Variants in KCNMB2 observed in about 807,000 individuals in gnomAD.
The protein encoded by KCNMB2 is potassium calcium-activated channel subfamily M regulatory beta subunit 2.
A neutral mutation model predicts 24.5 loss-of-function variants in KCNMB2; 9 were observed. The ratio of observed to expected loss-of-function variants is 0.37; its 90% CI spans 0.22 to 0.64. The LOEUF is 0.64. Among genes scored for constraint, KCNMB2 ranks in the 30% least tolerant of loss-of-function variants. The pLI is 0.63. For missense variants in KCNMB2, 226 were observed against 284.3 expected (o/e 0.79, Z 1.47); for synonymous variants, 109 against 104.4 (o/e 1.04, Z -0.27).
At chr3:178,722,684 G>A (rs746819138) in intron 1 of KCNMB2, among the ~76,000 whole-genome samples, 1 of 152,142 alleles carries the variant, frequency 6.6e-6, no homozygotes, top group Non-Finnish European at 1.5e-5. Context: ...CTTGTGCTCT[G>A]GAGTTCAAGA....
intron 1 of KCNMB2, among the ~76,000 whole-genome samples, chr3:178,580,087 T>C (rs978124050): frequency 2.6e-5 from 4 of 152,106 alleles, no homozygotes; most frequent in African/African-American, 9.7e-5. Flanking sequence ...TTCAGGCCAA[T>C]ATCAGGCCTG....
intron 1 of KCNMB2, among the ~76,000 whole-genome samples, chr3:178,539,272 A>G (rs1260338895): frequency 6.6e-6 from 1 of 152,246 alleles, no homozygotes; most frequent in Non-Finnish European, 1.5e-5. Flanking sequence ...ATCAAATAAA[A>G]AAGCAGACTG....
At chr3:178,565,182 C>T (rs747458214) in intron 1 of KCNMB2, among the ~76,000 whole-genome samples, 4 of 152,004 alleles carry the variant, frequency 2.6e-5, no homozygotes, top group Non-Finnish European at 5.9e-5. Flanking sequence ...GAGAATGAGA[C>T]GAAGGGCTAG....
intron 1 of KCNMB2, among the ~76,000 whole-genome samples, chr3:178,655,142 C>CTCTCTCTCTT (rs1720287173): frequency 8.4e-6 from 1 of 118,690 alleles, no homozygotes; most frequent in Non-Finnish European, 1.9e-5. Context: ...CTCTCTCTCT[C>CTCTCTCTCTT]TATCTCTATT....
intron 1 of KCNMB2, among the ~76,000 whole-genome samples, chr3:178,802,199 A>G (rs143317295): frequency 9.6e-4 from 146 of 152,320 alleles, no homozygotes; most frequent in African/African-American, 3.3e-3. Context: ...AGTCTCAAAC[A>G]TAAGAAGCAA....
chr3:178,649,314 T>C (rs1291844626), intron 1 of KCNMB2, among the ~76,000 whole-genome samples: 1 of 152,170 alleles, frequency 6.6e-6, no homozygotes, highest in East Asian at 1.9e-4. Flanking sequence ...AACATCACCT[T>C]CTATTCTTTT....
intron 4 of KCNMB2, among the ~76,000 whole-genome samples, chr3:178,834,907 G>C (rs989750491): frequency 6.6e-6 from 1 of 151,908 alleles, no homozygotes; most frequent in African/African-American, 2.4e-5. Context: ...GCATCAAGAA[G>C]AAAAGCGGGG....
intron 1 of KCNMB2, among the ~76,000 whole-genome samples, chr3:178,670,842 G>A (rs1313874552): frequency 2.0e-5 from 3 of 152,042 alleles, no homozygotes; most frequent in Non-Finnish European, 4.4e-5. Flanking sequence ...TCATTTGTTG[G>A]TGACTACTCT....
chr3:178,835,174 G>A (rs1056373780), intron 4 of KCNMB2, among the ~76,000 whole-genome samples: 1 of 151,450 alleles, frequency 6.6e-6, no homozygotes. Flanking sequence ...GAGATCTGTG[G>A]GCAAATACAG....
At chr3:178,729,605 C>A (rs1723077997) in intron 1 of KCNMB2, among the ~76,000 whole-genome samples, 1 of 152,136 alleles carries the variant, frequency 6.6e-6, no homozygotes, top group African/African-American at 2.4e-5. Context: ...GTCAAAGATT[C>A]CTGCCAAAAG....
chr3:178,655,196 C>T (rs988008561), intron 1 of KCNMB2, among the ~76,000 whole-genome samples: 6 of 149,558 alleles, frequency 4.0e-5, no homozygotes, highest in Non-Finnish European at 7.4e-5. Flanking sequence ...ATACACCTTT[C>T]CATGTCCAAG....
At chr3:178,685,751 T>C (rs781306233) in intron 1 of KCNMB2, among the ~76,000 whole-genome samples, 2 of 151,648 alleles carry the variant, frequency 1.3e-5, no homozygotes, top group African/African-American at 2.4e-5. Flanking sequence ...AGCAGTGCTT[T>C]CTTTTTAAAC....
At chr3:178,732,266 A>G (rs1390656822) in intron 1 of KCNMB2, among the ~76,000 whole-genome samples, 4 of 152,250 alleles carry the variant, frequency 2.6e-5, no homozygotes, top group Admixed American at 1.3e-4. Flanking sequence ...ACTAATCTAC[A>G]GTAGGTTTTT....
intron 1 of KCNMB2, among the ~76,000 whole-genome samples, chr3:178,642,860 A>G (rs544586885): frequency 1.3e-5 from 2 of 152,332 alleles, no homozygotes; most frequent in Admixed American, 1.3e-4. Context: ...AAGGGGATTC[A>G]TGGCAGTGGA....
chr3:178,553,192 G>A (rs1034819469), intron 1 of KCNMB2, among the ~76,000 whole-genome samples: 1 of 152,170 alleles, frequency 6.6e-6, no homozygotes, highest in Non-Finnish European at 1.5e-5. Context: ...AGTCAGTTAA[G>A]ATTTATGACA....
intron 1 of KCNMB2, among the ~76,000 whole-genome samples, chr3:178,636,409 T>A (rs1030561573): frequency 6.6e-6 from 1 of 151,918 alleles, no homozygotes; most frequent in Non-Finnish European, 1.5e-5. Context: ...AAAAATAAAA[T>A]AAAGTAAGAG....
intron 1 of KCNMB2, among the ~76,000 whole-genome samples, chr3:178,723,102 T>C (rs183859871): frequency 1.3e-5 from 2 of 152,236 alleles, no homozygotes; most frequent in African/African-American, 4.8e-5. Flanking sequence ...TACCACATTG[T>C]CTTACTATAG....
At chr3:178,818,582 A>G (rs1018137809) in intron 2 of KCNMB2, among the ~76,000 whole-genome samples, 2 of 152,114 alleles carry the variant, frequency 1.3e-5, no homozygotes, top group Non-Finnish European at 2.9e-5. Context: ...GCTTCATCTA[A>G]GTAAATCTAA....
chr3:178,787,054 C>T (rs1713134302), intron 1 of KCNMB2, among the ~76,000 whole-genome samples: 1 of 152,094 alleles, frequency 6.6e-6, no homozygotes, highest in African/African-American at 2.4e-5. Context: ...AAAACGACCC[C>T]AGTTACAGAT....
Sources: gnomAD v4.1 joint callset for allele counts (sites outside exome capture counted in the v4.1 genomes callset) on GRCh38, gnomAD v4.1.1 for gene constraint, MANE v1.5 for transcripts, NCBI Gene and HGNC (gene_info 2026-07-23, HGNC 2026-07-21) for gene names.